Variants in GCN1 observed in about 807,000 individuals in gnomAD.
The protein encoded by GCN1 is GCN1 activator of EIF2AK4, also known as stalled ribosome sensor GCN1.
GCN1 carries 90 observed loss-of-function variants against 288.4 expected under a neutral mutation model. The ratio of observed to expected loss-of-function variants is 0.31; its 90% CI spans 0.26 to 0.37. The LOEUF (loss-of-function observed/expected upper bound fraction) is 0.37, where lower values mean the gene tolerates loss of function less well. GCN1 is among the 10% of genes least tolerant of loss of function. The probability of loss-of-function intolerance (pLI) is 1.00; values close to 1 mark genes in which losing one functional copy is unlikely to be tolerated. For synonymous variants in GCN1, 1,386 were observed against 1,420.2 expected, an observed-to-expected ratio of 0.98 and a Z score of 0.54; for missense variants, 2,586 against 3,419.9, an observed-to-expected ratio of 0.76 and a Z score of 6.08.
intron 45 of GCN1, 83 bp from the exon 46 acceptor site, chr12:120,138,939 T>C (rs1000314285): frequency 3.1e-5 from 39 of 1,245,648 alleles, no homozygotes; most frequent in Non-Finnish European, 3.8e-5. Flanking sequence ...GGCAGGGGAC[T>C]CTGACCCAGC....
intron 5 of GCN1, among the ~76,000 whole-genome samples, chr12:120,181,520 AATTTTTTAATAC>A (rs1878660920): frequency 6.6e-6 from 1 of 150,376 alleles, no homozygotes; most frequent in Non-Finnish European, 1.5e-5. Context: ...TGTATAAAAA[AATTTTTTAATAC>A]ATTTTTTTAA....
rs770343319 is a variant in GCN1, at chr12:120,144,262, C to T, written c.5495+44G>A. The T allele has an allele frequency of 6.2e-7, 1 of 1,608,908 alleles. No homozygotes were observed. Among genetic ancestry groups the T allele is most frequent in the Non-Finnish European group, 8.5e-7 (1 of 1,175,378 alleles). ...GAGTGCTCGGATTATAGGCATGAGC[C>T]ACCACGCATCATCCCCACTGGGTCT... is the stretch of plus-strand genomic sequence containing the variant. On this transcript the variant is annotated intron_variant, in intron 42 of 57. Transcript: ENST00000300648. This position sits in a 1 kb window ranked among gnomAD's most constrained non-coding sequence, Gnocchi z 4.7.
At chr12:120,175,139 A>G (rs763681710) in intron 12 of GCN1, 23 bp downstream of exon 12, 2 of 1,562,518 alleles carry the variant, frequency 1.3e-6, no homozygotes, top group Non-Finnish European at 8.7e-7. Flanking sequence ...AAAAAAAAAA[A>G]AAAAAAAAAA....
At chr12:120,128,031 T>A in intron 57 of GCN1, 57 bp from the exon 58 acceptor site, 1 of 1,589,564 alleles carries the variant, frequency 6.3e-7, no homozygotes, top group Non-Finnish European at 8.6e-7. Flanking sequence ...TGCCACGTTC[T>A]CCAATTGGAG....
intron 2 of GCN1, among the ~76,000 whole-genome samples, chr12:120,186,270 T>C (rs1021115097): frequency 2.0e-5 from 3 of 151,910 alleles, no homozygotes; most frequent in African/African-American, 4.8e-5. Flanking sequence ...GCCTGGGAGA[T>C]TGAGGCTGCA....
chr12:120,137,280 G>C lies in GCN1; in HGVS notation c.6703C>G (p.Leu2235Val), dbSNP rs1877039064. 3 of 1,614,116 alleles carry C rather than the reference G, an allele frequency of 1.9e-6. No individual in the cohort carries two copies. The East Asian group carries it at 6.7e-5, about 36-fold the overall frequency. Residue 2235 changes from leucine to valine, a missense_variant, in exon 50 of 58, where the codon CTG (leucine) becomes GTG (valine). Leu to Val is a conservative substitution (Grantham distance 32). Around this residue, in one of 8 missense-constraint regions of GCN1, gnomAD observed 437 missense variants for 570.5 expected, o/e 0.77. Transcript: ENST00000300648. The surrounding 1 kb of genome is among the most constrained non-coding windows in gnomAD (Gnocchi z 5.2). ...CCTATGAGCCGGATTTCCTTGTGCA[G>C]CTCTTCAATGAGTGCCAACTGGTTG... is the stretch of plus-strand genomic sequence containing the variant. The part of the protein sequence containing the change: ...AGNQLALIEE[L>V]HKEIRLIGNE...
intron 1 of GCN1, among the ~76,000 whole-genome samples, chr12:120,193,910 C>T (rs1444546661): frequency 6.6e-6 from 1 of 152,196 alleles, no homozygotes; most frequent in Non-Finnish European, 1.5e-5. Context: ...GCCCAGCTGT[C>T]CTTAGACACC....
At chr12:120,173,509 C>T in intron 14 of GCN1, 144 bp downstream of exon 14, 1 of 621,226 alleles carries the variant, frequency 1.6e-6, no homozygotes. Flanking sequence ...TTGGGCTAAG[C>T]CCAATGCTCT....
Position 120,156,772 on chromosome 12 carries a change from G to T in GCN1, c.3168+140C>A. The stretch of plus-strand genomic sequence containing the variant: ...CCCCTCACTAGCTAACAACAGTCAG[G>T]CTGGCTCTCTAAAGCAGTCTTTCTA... On this transcript the variant is annotated intron_variant, in intron 27 of 57. Transcript: ENST00000300648. The surrounding 1 kb of genome is among the most constrained non-coding windows in gnomAD (Gnocchi z 5.8). 1.1e-6 allele frequency: 1 copy of T among 892,116 alleles called. No homozygotes were observed. The allele number at this position is 892,116 out of a possible 1,614,324, so 55.3% of individuals were successfully genotyped here. A position where few individuals can be genotyped will look rare whatever the true frequency, so the allele number is the denominator to read the frequency against.
In GCN1 at chr12:120,154,964, TTA is replaced by T; in HGVS notation, c.3701+4_3701+5del. On this transcript the variant is annotated splice_donor_5th_base_variant and intron_variant, in intron 31 of 57. Coordinates refer to ENST00000300648, the MANE Select transcript of GCN1 (RefSeq NM_006836.2). ...GGAGTAGAACGAGGCTGAACAATTG[TTA>T]TACCTGGCTTCCCACTGATCTGGAG... 6.2e-7 allele frequency: 1 copy of T among 1,610,848 alleles called. No individual in the cohort carries two copies. Among genetic ancestry groups the T allele is most frequent in the Non-Finnish European group, 8.5e-7 (1 of 1,176,942 alleles).
rs1331892273 is a variant in GCN1, at chr12:120,137,826, A to G, written c.6394-12T>C. On this transcript the variant is annotated splice_polypyrimidine_tract_variant and intron_variant, in intron 48 of 57. Transcript: ENST00000300648. This position sits in a 1 kb window ranked among gnomAD's most constrained non-coding sequence, Gnocchi z 5.2. ...CAATTGGCCATCTCCTGCAAACCACAAGGGACATGTGTGCTGAGCAGGGAT... is the reference window on the plus strand; with the variant it reads ...CAATTGGCCATCTCCTGCAAACCACGAGGGACATGTGTGCTGAGCAGGGAT... 1 of 1,613,234 alleles carries G rather than the reference A, an allele frequency of 6.2e-7. No individual in the cohort carries two copies. The highest frequency in any genetic ancestry group is 8.5e-7 in the Non-Finnish European group (1 of 1,179,192).
Position 120,155,149 on chromosome 12 carries a change from C to A in GCN1, c.3630+92G>T. 6.5e-7 allele frequency: 1 copy of A among 1,529,776 alleles called. No homozygotes were observed. Among genetic ancestry groups the A allele is most frequent in the Non-Finnish European group, 9.1e-7 (1 of 1,103,952 alleles). 94.8% of individuals were successfully genotyped at this position (1,529,776 alleles called of 1,614,324 possible). On this transcript the variant is annotated intron_variant, in intron 30 of 57. Transcript: ENST00000300648. This position sits in a 1 kb window ranked among gnomAD's most constrained non-coding sequence, Gnocchi z 4.9. ...CAGCTACCCTGAGCCACCGTGAGCC[C>A]CGAGATTCCTGTCTGGAGCAGTAGC...
intron 57 of GCN1, among the ~76,000 whole-genome samples, chr12:120,128,568 T>C (rs1179507138): frequency 6.6e-6 from 1 of 152,068 alleles, no homozygotes; most frequent in Non-Finnish European, 1.5e-5. Flanking sequence ...ACTCCTGACC[T>C]CCGGTGATCC....
At chr12:120,192,556 T>C (rs1879037666) in intron 1 of GCN1, among the ~76,000 whole-genome samples, 1 of 150,158 alleles carries the variant, frequency 6.7e-6, no homozygotes, top group Non-Finnish European at 1.5e-5. Flanking sequence ...TGAAACCGCG[T>C]CTCTACTAAA....
chr12:120,186,549 T>C (rs907934027), intron 2 of GCN1, among the ~76,000 whole-genome samples: 4 of 152,094 alleles, frequency 2.6e-5, no homozygotes, highest in African/African-American at 9.7e-5. Context: ...AGGAGGCCCA[T>C]ACCATTCCTC....
At chr12:120,140,187 T>C (rs531894895) in intron 45 of GCN1, among the ~76,000 whole-genome samples, 2 of 152,344 alleles carry the variant, frequency 1.3e-5, no homozygotes, top group Non-Finnish European at 2.9e-5. Flanking sequence ...GCCAAGCAAC[T>C]GGCCACTTGC....
intron 2 of GCN1, among the ~76,000 whole-genome samples, chr12:120,185,790 A>G (rs1180659628): frequency 1.3e-5 from 2 of 152,222 alleles, no homozygotes; most frequent in East Asian, 3.9e-4. Context: ...TAGTAGAGAC[A>G]GGGTTTCACC....
rs1359186461 is a variant in GCN1 at position 120,134,049 on chromosome 12, A to T, written c.7317+242T>A. Among the ~76,000 whole-genome samples the T allele has an allele frequency of 6.6e-6, 1 of 152,198 alleles. No individual in the cohort carries two copies. The highest frequency in any genetic ancestry group is 1.9e-4 in the East Asian group (1 of 5,196). ...GCCACTTCACTCCGGCCTGGGTGAC[A>T]CAGCAAGACTCAGCCAAAAAACAAA... On this transcript the variant is annotated intron_variant, in intron 53 of 57. Coordinates refer to ENST00000300648, the MANE Select transcript of GCN1 (RefSeq NM_006836.2). The surrounding 1 kb of genome is among the most constrained non-coding windows in gnomAD (Gnocchi z 5.0).
chr12:120,153,288 G>A lies in GCN1; in HGVS notation c.3987C>T (p.His1329=). ...VVVLMGSLAK[H]LDKSDPKVKP... ...TCACTTTGGGGTCACTCTTGTCCAG[G>A]TGCTTGGCCAGAGAGCCCATCAGGA... is the stretch of plus-strand genomic sequence containing the variant. The change falls in exon 33 of 58, where the codon CAC becomes CAT. Residue 1329 remains histidine, a synonymous_variant. Coordinates refer to ENST00000300648, the MANE Select transcript of GCN1 (RefSeq NM_006836.2). This position sits in a 1 kb window ranked among gnomAD's most constrained non-coding sequence, Gnocchi z 4.4. 1 of 1,614,218 alleles carries A rather than the reference G, an allele frequency of 6.2e-7. No homozygotes were observed. Among genetic ancestry groups the A allele is most frequent in the Non-Finnish European group, 8.5e-7 (1 of 1,180,028 alleles).
Sources: gnomAD v4.1 joint callset for allele counts (sites outside exome capture counted in the v4.1 genomes callset) on GRCh38, gnomAD v4.1.1 for gene constraint, gnomAD v4.1.1 regional missense constraint, Gnocchi (gnomAD v3.1) non-coding constraint, MANE v1.5 for transcripts, NCBI Gene and HGNC (gene_info 2026-07-23, HGNC 2026-07-21) for gene names.